CSMD1: variants seen among roughly 807,000 people sequenced by gnomAD.
CSMD1 encodes the protein CUB and sushi domain-containing protein 1.
CSMD1 carries 213 observed loss-of-function variants against 417.5 expected under a neutral mutation model. That is an observed-to-expected ratio of 0.51 (90% CI 0.46 to 0.57). The LOEUF (loss-of-function observed/expected upper bound fraction) is 0.57. CSMD1 is among the 20% of genes least tolerant of loss of function. The pLI is 0.00. For synonymous variants in CSMD1, 2,862 were observed against 1,736.8 expected (o/e 1.65, Z -16.11); for missense variants, 6,923 against 4,529.7 (o/e 1.53, Z -15.17).
At chr8:4,196,466 G>A (rs1799346655) in intron 3 of CSMD1, among the ~76,000 whole-genome samples, 1 of 152,126 alleles carries the variant, frequency 6.6e-6, no homozygotes. Flanking sequence ...TCTGTCCAAT[G>A]CCGATTCAGG....
intron 1 of CSMD1, among the ~76,000 whole-genome samples, chr8:4,937,901 C>T (rs905803321): frequency 6.6e-6 from 1 of 152,026 alleles, no homozygotes; most frequent in Non-Finnish European, 1.5e-5. Flanking sequence ...GCTTGTTTTT[C>T]CTCTTTCCCA....
chr8:4,054,699 C>T (rs1033045175), intron 3 of CSMD1, among the ~76,000 whole-genome samples: 3 of 152,068 alleles, frequency 2.0e-5, no homozygotes, highest in Non-Finnish European at 2.9e-5. Context: ...ATGTGAATTC[C>T]TGAGGGTGCC....
intron 54 of CSMD1, among the ~76,000 whole-genome samples, chr8:2,984,094 TGTGA>T (rs1473184005): frequency 3.3e-5 from 5 of 152,172 alleles, no homozygotes; most frequent in Non-Finnish European, 5.9e-5. Context: ...TTTAAATGGC[TGTGA>T]GTGACATTCT....
At chr8:4,372,085 A>G (rs1158879607) in intron 3 of CSMD1, among the ~76,000 whole-genome samples, 1 of 152,232 alleles carries the variant, frequency 6.6e-6, no homozygotes, top group Admixed American at 6.5e-5. Flanking sequence ...GGTGGAAGAA[A>G]AGCCCTTTCT....
intron 22 of CSMD1, among the ~76,000 whole-genome samples, chr8:3,343,978 A>C (rs1807824962): frequency 6.6e-6 from 1 of 152,164 alleles, no homozygotes; most frequent in Admixed American, 6.5e-5. Context: ...TTCATCTTGA[A>C]TTTGAAATAA....
At chr8:3,506,056 G>A (rs1003876452) in intron 10 of CSMD1, among the ~76,000 whole-genome samples, 2 of 152,166 alleles carry the variant, frequency 1.3e-5, no homozygotes, top group African/African-American at 4.8e-5. Flanking sequence ...GGGCAACCAA[G>A]TTCCTCCTGG....
intron 3 of CSMD1, among the ~76,000 whole-genome samples, chr8:4,117,098 CT>C (rs1802198716): frequency 6.6e-6 from 1 of 151,764 alleles, no homozygotes; most frequent in African/African-American, 2.4e-5. Context: ...CCTTTTCCCC[CT>C]TGAGCTTTGT....
intron 5 of CSMD1, among the ~76,000 whole-genome samples, chr8:3,794,749 G>A (rs548475019): frequency 6.6e-6 from 1 of 152,046 alleles, no homozygotes; most frequent in South Asian, 2.1e-4. Context: ...CAACTTCCAG[G>A]TCAAGACTGT....
rs564088611 is a variant in CSMD1, at chr8:4,665,429, C to G, written c.86-27871G>C. ...TATGTCACACATAACCATGAGTAAC[C>G]CATAACCATGAGAGATTCAAACTCC... On this transcript the variant is annotated intron_variant, in intron 1 of 69. Coordinates refer to ENST00000635120, the MANE Select transcript of CSMD1 (RefSeq NM_033225.6). Among the ~76,000 whole-genome samples, 18 of 152,256 alleles carry G rather than the reference C, an allele frequency of 1.2e-4. No individual in the cohort carries two copies. The South Asian group carries it at 3.7e-3, about 32-fold the overall frequency.
chr8:3,437,855 C>G (rs559081106), intron 12 of CSMD1, among the ~76,000 whole-genome samples: 3 of 151,836 alleles, frequency 2.0e-5, no homozygotes, highest in East Asian at 3.9e-4. Flanking sequence ...TCAAGCAATT[C>G]TCTTGTTTCA....
At chr8:4,921,239 C>G (rs1006962724) in intron 1 of CSMD1, among the ~76,000 whole-genome samples, 2 of 152,170 alleles carry the variant, frequency 1.3e-5, no homozygotes, top group African/African-American at 2.4e-5. Context: ...GAAACCTCTT[C>G]CACCAGCCAG....
intron 3 of CSMD1, among the ~76,000 whole-genome samples, chr8:4,067,800 C>T (rs1425919145): frequency 6.6e-6 from 1 of 152,130 alleles, no homozygotes; most frequent in African/African-American, 2.4e-5. Context: ...AAAATGGGGC[C>T]AGATACAGTG....
intron 1 of CSMD1, among the ~76,000 whole-genome samples, chr8:4,799,148 A>G (rs577178980): frequency 1.3e-5 from 2 of 152,314 alleles, no homozygotes; most frequent in African/African-American, 2.4e-5. Context: ...AATACATGAG[A>G]GATGTGCTTA....
intron 3 of CSMD1, among the ~76,000 whole-genome samples, chr8:4,327,104 G>C (rs1799603619): frequency 6.6e-6 from 1 of 152,106 alleles, no homozygotes; most frequent in Non-Finnish European, 1.5e-5. Context: ...GAACAGGAGA[G>C]GGGAATCCAG....
intron 26 of CSMD1, among the ~76,000 whole-genome samples, chr8:3,250,905 G>T (rs1800207716): frequency 6.6e-6 from 1 of 152,076 alleles, no homozygotes; most frequent in South Asian, 2.1e-4. Flanking sequence ...CTTGTTGATG[G>T]GGTTATTTGT....
At chr8:3,522,654 T>A (rs142290432) in intron 10 of CSMD1, among the ~76,000 whole-genome samples, 1 of 151,976 alleles carries the variant, frequency 6.6e-6, no homozygotes, top group South Asian at 2.1e-4. Flanking sequence ...TTGCAGACTT[T>A]GTGACATGTG....
At chr8:3,375,561 T>G (rs1026932641) in intron 18 of CSMD1, among the ~76,000 whole-genome samples, 2 of 152,108 alleles carry the variant, frequency 1.3e-5, no homozygotes, top group African/African-American at 4.8e-5. Context: ...ATTATATATA[T>G]TTTTATGAAT....
chr8:4,412,633 C>A (rs74355780), intron 3 of CSMD1, among the ~76,000 whole-genome samples: 2 of 152,098 alleles, frequency 1.3e-5, no homozygotes, highest in East Asian at 1.9e-4. Flanking sequence ...TCTATTCCAA[C>A]GGAATCAGAA....
At chr8:4,470,440 A>ATGT (rs1279693507) in intron 2 of CSMD1, among the ~76,000 whole-genome samples, 2 of 152,232 alleles carry the variant, frequency 1.3e-5, no homozygotes, top group East Asian at 3.8e-4. Flanking sequence ...TAGTGCTGCT[A>ATGT]TGTAGACAGG....
Sources: gnomAD v4.1 joint callset for allele counts (sites outside exome capture counted in the v4.1 genomes callset) on GRCh38, gnomAD v4.1.1 for gene constraint, MANE v1.5 for transcripts, NCBI Gene and HGNC (gene_info 2026-07-23, HGNC 2026-07-21) for gene names.